PTPRD: variants seen among roughly 807,000 people sequenced by gnomAD.
PTPRD encodes protein tyrosine phosphatase receptor type D.
Under a neutral mutation model 214.5 loss-of-function variants are expected in PTPRD, and 34 were observed. The ratio of observed to expected loss-of-function variants is 0.16; its 90% CI spans 0.12 to 0.21. The LOEUF is 0.21. Among genes scored for constraint, PTPRD ranks in the 10% least tolerant of loss-of-function variants. The pLI is 1.00. For missense variants in PTPRD, 2,545 were observed against 2,398.7 expected, an observed-to-expected ratio of 1.06 and a Z score of -1.27; for synonymous variants, 1,128 against 845.7, an observed-to-expected ratio of 1.33 and a Z score of -5.79.
At chr9:9,967,231 C>A (rs1021505890) in intron 4 of PTPRD, among the ~76,000 whole-genome samples, 2 of 152,130 alleles carry the variant, frequency 1.3e-5, no homozygotes, top group Admixed American at 1.3e-4. Flanking sequence ...AAAATAGTGC[C>A]TCCCTCAGAG....
chr9:8,336,405 A>C (rs1306035660), intron 43 of PTPRD, among the ~76,000 whole-genome samples: 1 of 148,382 alleles, frequency 6.7e-6, no homozygotes, highest in African/African-American at 2.5e-5. Flanking sequence ...CATATGCAGA[A>C]AACTGAGACT....
intron 9 of PTPRD, among the ~76,000 whole-genome samples, chr9:9,302,601 C>CTTTTTTTTTTTTTTTTTTTTCTT (rs3047853): frequency 8.9e-6 from 1 of 111,888 alleles, no homozygotes; most frequent in African/African-American, 3.5e-5. Flanking sequence ...TTTTTTTTTT[C>CTTTTTTTTTTTTTTTTTTTTCTT]TTTTTTTTTT....
chr9:9,629,879 CT>C (rs5896344), intron 7 of PTPRD, among the ~76,000 whole-genome samples: 21,546 of 152,132 alleles, frequency 0.14, 2,060 homozygotes, highest in African/African-American at 0.27. Context: ...AAGCAGTGAT[CT>C]TGGCTTGTTA....
intron 2 of PTPRD, among the ~76,000 whole-genome samples, chr9:10,361,981 A>T (rs1409342923): frequency 6.6e-6 from 1 of 152,204 alleles, no homozygotes; most frequent in Non-Finnish European, 1.5e-5. Flanking sequence ...GAAATGTATC[A>T]TGGTTAAGAT....
intron 35 of PTPRD, among the ~76,000 whole-genome samples, chr9:8,412,636 C>G (rs563033068): frequency 1.3e-5 from 2 of 152,280 alleles, no homozygotes; most frequent in South Asian, 2.1e-4. Flanking sequence ...TACCCTGTGA[C>G]TTGTATAAGA....
rs549315759 is a variant in PTPRD at position 9,915,339 on chromosome 9, A to G, written c.-368+23168T>C. 2.6e-5 allele frequency among the ~76,000 whole-genome samples: 4 copies of G among 152,138 alleles called. No individual in the cohort carries two copies. The East Asian group carries it at 7.8e-4, about 30-fold the overall frequency. ...ATCAAACATAAAAAACAAAGGAAAC[A>G]TGACATCTCCAAAAAAAACTGATTA... On this transcript the variant is annotated intron_variant, in intron 5 of 45. Transcript: ENST00000381196.
chr9:8,634,451 ATT>A (rs1319801292), intron 13 of PTPRD, among the ~76,000 whole-genome samples: 2 of 151,986 alleles, frequency 1.3e-5, no homozygotes, highest in Non-Finnish European at 2.9e-5. Flanking sequence ...TTAATTCCAG[ATT>A]TTGTGTGTGC....
intron 30 of PTPRD, among the ~76,000 whole-genome samples, chr9:8,483,478 C>T (rs746993489): frequency 1.1e-4 from 17 of 152,166 alleles, no homozygotes; most frequent in South Asian, 2.1e-4. Flanking sequence ...AGTAGCCGGG[C>T]GCGGTGGCTC....
At chr9:8,619,851 T>C (rs561659335) in intron 14 of PTPRD, among the ~76,000 whole-genome samples, 2 of 152,198 alleles carry the variant, frequency 1.3e-5, no homozygotes, top group South Asian at 4.1e-4. Flanking sequence ...CACTCGATTG[T>C]ATCCTTTGCA....
Position 8,600,702 on chromosome 9 carries a change from G to T in PTPRD, c.352+32615C>A, listed in dbSNP as rs180670645. ...CCTTGTAGCAAAGGACCCAGTCCAGGCAGAATCCAGACCCTACTGACTAAA... is the reference window on the plus strand; with the variant it reads ...CCTTGTAGCAAAGGACCCAGTCCAGTCAGAATCCAGACCCTACTGACTAAA... On this transcript the variant is annotated intron_variant, in intron 14 of 45. Transcript: ENST00000381196. Among the ~76,000 whole-genome samples the T allele has an allele frequency of 7.2e-5, 11 of 151,786 alleles. No individual in the cohort carries two copies. The East Asian group carries it at 2.2e-3, about 30-fold the overall frequency.
At chr9:8,327,711 T>A (rs1299153583) in intron 44 of PTPRD, among the ~76,000 whole-genome samples, 1 of 152,112 alleles carries the variant, frequency 6.6e-6, no homozygotes. Flanking sequence ...TTTATGAATC[T>A]GCATGCTCCT....
chr9:9,271,078 G>T (rs918355940), intron 9 of PTPRD, among the ~76,000 whole-genome samples: 1 of 151,158 alleles, frequency 6.6e-6, no homozygotes, highest in African/African-American at 2.4e-5. Context: ...AAGGAGGACC[G>T]ATTGGGCTAC....
intron 3 of PTPRD, among the ~76,000 whole-genome samples, chr9:10,198,150 C>A (rs1319956120): frequency 6.6e-6 from 1 of 151,644 alleles, no homozygotes; most frequent in Non-Finnish European, 1.5e-5. Flanking sequence ...ATAATGATAC[C>A]CATTGTTTTC....
intron 7 of PTPRD, among the ~76,000 whole-genome samples, chr9:9,632,911 T>C (rs924116989): frequency 1.3e-5 from 2 of 152,098 alleles, no homozygotes; most frequent in Non-Finnish European, 2.9e-5. Context: ...AGAGATTTCA[T>C]GGAGAAGGAA....
intron 11 of PTPRD, among the ~76,000 whole-genome samples, chr9:9,014,355 G>C (rs1055270269): frequency 6.6e-6 from 1 of 151,968 alleles, no homozygotes; most frequent in Admixed American, 6.6e-5. Context: ...AGACTCCAAA[G>C]ATTTGTCAAT....
chr9:8,502,809 T>A (rs2097439175), intron 23 of PTPRD, among the ~76,000 whole-genome samples: 2 of 151,142 alleles, frequency 1.3e-5, no homozygotes, highest in Non-Finnish European at 3.0e-5. Context: ...AAGTGTTTGA[T>A]GTGCTTATAA....
At chr9:8,581,732 G>A (rs1436622231) in intron 14 of PTPRD, among the ~76,000 whole-genome samples, 3 of 150,292 alleles carry the variant, frequency 2.0e-5, no homozygotes, top group Non-Finnish European at 3.0e-5. Context: ...GGACGACAGA[G>A]CGAGACTCCA....
At chr9:9,276,955 C>A (rs116943154) in intron 9 of PTPRD, among the ~76,000 whole-genome samples, 20 of 151,376 alleles carry the variant, frequency 1.3e-4, no homozygotes, top group Non-Finnish European at 2.8e-4. Context: ...AATGCCAGGA[C>A]AGCATTTTCA....
At chr9:10,369,071 G>T (rs968751861) in intron 2 of PTPRD, among the ~76,000 whole-genome samples, 1 of 151,944 alleles carries the variant, frequency 6.6e-6, no homozygotes, top group Non-Finnish European at 1.5e-5. Context: ...ACTTAGGCAT[G>T]CACCATGGTT....
Sources: gnomAD v4.1 joint callset for allele counts (sites outside exome capture counted in the v4.1 genomes callset) on GRCh38, gnomAD v4.1.1 for gene constraint, MANE v1.5 for transcripts, NCBI Gene and HGNC (gene_info 2026-07-23, HGNC 2026-07-21) for gene names.